The following HECW1 variants were observed in gnomAD, a reference collection of about 807,000 sequenced individuals.
HECW1 encodes the protein E3 ubiquitin-protein ligase HECW1.
Under a neutral mutation model 182.3 loss-of-function variants are expected in HECW1, and 61 were observed. The observed-to-expected ratio is 0.33, with a 90% CI of 0.27 to 0.41. The LOEUF is 0.41. HECW1 is among the 10% of genes least tolerant of loss of function. The pLI, the probability that HECW1 is intolerant of heterozygous loss-of-function variation, is 1.00. For synonymous variants in HECW1, 859 were observed against 832.6 expected (o/e 1.03, Z -0.55); for missense variants, 1,739 against 2,108.9 (o/e 0.82, Z 3.44).
chr7:43,510,813 G>A lies in HECW1; in HGVS notation c.4019+1692G>A, dbSNP rs1360540195. Among the ~76,000 whole-genome samples, 8 of 152,136 alleles carry A rather than the reference G, an allele frequency of 5.3e-5. No individual in the cohort carries two copies. In the East Asian group the frequency reaches 1.5e-3, roughly 29 times the overall value. On this transcript the variant is annotated intron_variant, in intron 24 of 29. Transcript: ENST00000395891. ...GAAGCTGACGTTTGAAGAAAACCTT[G>A]GTGTCAAGCATGTTTCAGTGCAGCC... is the stretch of plus-strand genomic sequence containing the variant.
chr7:43,512,608 GC>G (rs1221325759), intron 24 of HECW1, among the ~76,000 whole-genome samples: 1 of 152,164 alleles, frequency 6.6e-6, no homozygotes, highest in African/African-American at 2.4e-5. Context: ...AAAGTCAGTT[GC>G]TTGTAGGCTA....
chr7:43,329,561 G>C (rs1811208383), intron 5 of HECW1, among the ~76,000 whole-genome samples: 1 of 152,144 alleles, frequency 6.6e-6, no homozygotes, highest in African/African-American at 2.4e-5. Context: ...TGTGCCTGGG[G>C]AGAGGAAAGG....
chr7:43,495,658 G>A (rs17208350), intron 19 of HECW1, among the ~76,000 whole-genome samples: 24,260 of 152,108 alleles, frequency 0.16, 2,484 homozygotes, highest in South Asian at 0.23. Context: ...GATCTTTAGC[G>A]TGATGAATGG....
intron 8 of HECW1, among the ~76,000 whole-genome samples, chr7:43,416,854 C>T (rs1051416375): frequency 2.3e-4 from 2 of 8,736 alleles, no homozygotes; most frequent in African/African-American, 1.9e-3. Context: ...CCTTGCGCTT[C>T]CCAGGTGAGG....
chr7:43,276,453 AT>A (rs67021322), intron 3 of HECW1, among the ~76,000 whole-genome samples: 33,448 of 151,982 alleles, frequency 0.22, 5,814 homozygotes, highest in African/African-American at 0.49. Flanking sequence ...ATTTTAAAAA[AT>A]ATATAGGTAA....
chr7:43,177,118 T>A (rs1484200802), intron 2 of HECW1, among the ~76,000 whole-genome samples: 2 of 144,918 alleles, frequency 1.4e-5, no homozygotes, highest in Non-Finnish European at 2.9e-5. Flanking sequence ...GCATATAAAC[T>A]TTTTTTTTCT....
chr7:43,410,339 G>C (rs1342300187), intron 8 of HECW1, among the ~76,000 whole-genome samples: 1 of 152,188 alleles, frequency 6.6e-6, no homozygotes, highest in Non-Finnish European at 1.5e-5. Context: ...GTTAGAAAGA[G>C]AGAAAAGGAA....
chr7:43,413,378 C>T (rs369791077), intron 8 of HECW1, among the ~76,000 whole-genome samples: 621 of 4,862 alleles, frequency 0.13, 90 homozygotes, highest in Non-Finnish European at 0.13. Context: ...GAGTAGGTTG[C>T]GAAAATTTTC....
At chr7:43,181,496 C>T (rs1792855981) in intron 2 of HECW1, among the ~76,000 whole-genome samples, 1 of 150,960 alleles carries the variant, frequency 6.6e-6, no homozygotes, top group Non-Finnish European at 1.5e-5. Context: ...CACACCCCAC[C>T]AGCACTTGTT....
At chr7:43,327,282 T>C (rs1008763049) in intron 5 of HECW1, among the ~76,000 whole-genome samples, 1 of 152,208 alleles carries the variant, frequency 6.6e-6, no homozygotes, top group Admixed American at 6.5e-5. Context: ...TGCAAGATAA[T>C]AGGCGTATTT....
chr7:43,395,831 A>G (rs2075210169), intron 6 of HECW1, among the ~76,000 whole-genome samples: 1 of 152,236 alleles, frequency 6.6e-6, no homozygotes, highest in Non-Finnish European at 1.5e-5. Flanking sequence ...GTCTCATATC[A>G]GGCAGGTTGA....
intron 19 of HECW1, among the ~76,000 whole-genome samples, chr7:43,495,815 A>G (rs938553920): frequency 6.6e-6 from 1 of 152,138 alleles, no homozygotes; most frequent in African/African-American, 2.4e-5. Flanking sequence ...GGGAATTTTC[A>G]AGGGATTTCC....
chr7:43,228,474 T>A (rs975873163), intron 2 of HECW1, among the ~76,000 whole-genome samples: 1 of 152,168 alleles, frequency 6.6e-6, no homozygotes, highest in East Asian at 1.9e-4. Flanking sequence ...TAAGAGAAGG[T>A]TGAAAATGTA....
chr7:43,488,403 T>A (rs1176897421), intron 17 of HECW1, among the ~76,000 whole-genome samples: 107 of 43,050 alleles, frequency 2.5e-3, no homozygotes, highest in Middle Eastern at 0.018. Flanking sequence ...AGGAAGGAAA[T>A]GAAAGAAAGA....
Position 43,374,598 on chromosome 7 carries a change from C to T in HECW1, c.555+13618C>T, listed in dbSNP as rs2074248353. 3.7e-5 allele frequency among the ~76,000 whole-genome samples: 2 copies of T among 53,812 alleles called. 1 individual carries two copies. The allele number at this position is 53,812 out of a possible 152,430, so 35.3% of individuals were successfully genotyped here. ...GACCATCCCGGCTAAAACGGTGAAA[C>T]CCCGTCTCTACTAAAAATACAAAAA... On this transcript the variant is annotated intron_variant, in intron 6 of 29. Transcript: ENST00000395891.
intron 26 of HECW1, among the ~76,000 whole-genome samples, chr7:43,542,240 T>G (rs1182717033): frequency 6.6e-6 from 1 of 152,184 alleles, no homozygotes; most frequent in Non-Finnish European, 1.5e-5. Flanking sequence ...TATTTTCTGT[T>G]TCTATGAATT....
At chr7:43,332,026 G>T (rs979271758) in intron 5 of HECW1, among the ~76,000 whole-genome samples, 1 of 152,124 alleles carries the variant, frequency 6.6e-6, no homozygotes, top group Admixed American at 6.5e-5. Context: ...TGTGGGTGAC[G>T]CAGGTGGCAG....
At chr7:43,554,464 A>G in intron 28 of HECW1, 128 bp from the exon 29 acceptor site, 1 of 802,812 alleles carries the variant, frequency 1.2e-6, no homozygotes, top group Non-Finnish European at 2.0e-6. Context: ...AGGCCATCAC[A>G]AGAGAAATCA....
At chr7:43,467,537 A>G (rs2077830537) in intron 15 of HECW1, among the ~76,000 whole-genome samples, 1 of 152,100 alleles carries the variant, frequency 6.6e-6, no homozygotes, top group African/African-American at 2.4e-5. Flanking sequence ...CAAGAGTAGC[A>G]CTTGGGCTGC....
Sources: allele counts gnomAD v4.1 joint callset (sites outside exome capture counted in the v4.1 genomes callset), GRCh38; gene constraint gnomAD v4.1.1; transcripts MANE v1.5; gene names NCBI Gene and HGNC (gene_info 2026-07-23, HGNC 2026-07-21).